LRRC69: variants seen among roughly 807,000 people sequenced by gnomAD.
The protein encoded by LRRC69 is leucine rich repeat containing 69.
Under a neutral mutation model 37.8 loss-of-function variants are expected in LRRC69, and 42 were observed. The observed-to-expected ratio is 1.11, with a 90% CI of 0.87 to 1.44. The LOEUF is 1.44. Ranked by LOEUF, LRRC69 falls within the 40% of genes most tolerant of loss-of-function variation. The pLI is 0.00. For synonymous variants in LRRC69, 141 were observed against 143.1 expected, an observed-to-expected ratio of 0.99 and a Z score of 0.11; for missense variants, 357 against 401.9, an observed-to-expected ratio of 0.89 and a Z score of 0.96.
At chr8:91,178,023 T>C (rs1809264602) in intron 5 of LRRC69, among the ~76,000 whole-genome samples, 1 of 152,018 alleles carries the variant, frequency 6.6e-6, no homozygotes, top group African/African-American at 2.4e-5. Flanking sequence ...TAATTTTTTG[T>C]GTTTTTAGTA....
At chr8:91,138,136 A>G (rs2130523364) in intron 5 of LRRC69, among the ~76,000 whole-genome samples, 1 of 152,172 alleles carries the variant, frequency 6.6e-6, no homozygotes, top group East Asian at 1.9e-4. Flanking sequence ...CATTTTGTGC[A>G]TAGTTGGTTT....
intron 5 of LRRC69, among the ~76,000 whole-genome samples, chr8:91,169,084 T>A (rs1297467663): frequency 6.6e-6 from 1 of 151,950 alleles, no homozygotes; most frequent in Non-Finnish European, 1.5e-5. Flanking sequence ...TGGAAAAAGA[T>A]CCAGGACTTT....
intron 5 of LRRC69, among the ~76,000 whole-genome samples, chr8:91,143,005 A>G (rs868523336): frequency 5.3e-5 from 8 of 152,066 alleles, no homozygotes; most frequent in African/African-American, 1.9e-4. Flanking sequence ...GTATGTGAAC[A>G]CAAGGAATGC....
At chr8:91,211,336 G>T (rs888836244) in intron 7 of LRRC69, among the ~76,000 whole-genome samples, 2 of 151,678 alleles carry the variant, frequency 1.3e-5, no homozygotes, top group Non-Finnish European at 2.9e-5. Flanking sequence ...TATACAGCTT[G>T]TTAATCATGC....
chr8:91,113,709 A>G (rs529992388), intron 1 of LRRC69, among the ~76,000 whole-genome samples: 8 of 152,016 alleles, frequency 5.3e-5, no homozygotes, highest in African/African-American at 9.6e-5. Context: ...AAATGGACAA[A>G]TGGATAATTT....
chr8:91,145,175 T>C (rs1276729611), intron 5 of LRRC69, among the ~76,000 whole-genome samples: 4 of 152,012 alleles, frequency 2.6e-5, no homozygotes, highest in African/African-American at 9.6e-5. Flanking sequence ...GTTTGCCTTG[T>C]ATCAAAACTC....
chr8:91,167,784 A>C (rs1308943462), intron 5 of LRRC69, among the ~76,000 whole-genome samples: 1 of 151,916 alleles, frequency 6.6e-6, no homozygotes, highest in African/African-American at 2.4e-5. Context: ...TCAGCACACC[A>C]GTGATAGTAG....
rs139020450 is a variant in LRRC69, at chr8:91,111,407, G to A, written c.183+8563G>A. On this transcript the variant is annotated intron_variant, in intron 1 of 7. Coordinates refer to ENST00000448384, the Ensembl canonical transcript of LRRC69. ...AAATTAGTTGGGCACAGTGGCAGGCGCATGTAATCCCAGCTACTCGGGAGG... is the reference window on the plus strand; with the variant it reads ...AAATTAGTTGGGCACAGTGGCAGGCACATGTAATCCCAGCTACTCGGGAGG... Among the ~76,000 whole-genome samples the A allele has an allele frequency of 9.3e-3, 1,407 of 151,988 alleles. 29 individuals carry two copies. The highest frequency in any genetic ancestry group is 0.032 in the African/African-American group (1,325 of 41,508).
intron 1 of LRRC69, among the ~76,000 whole-genome samples, chr8:91,107,703 T>C (rs1813342151): frequency 6.6e-6 from 1 of 152,068 alleles, no homozygotes; most frequent in South Asian, 2.1e-4. Flanking sequence ...CTTTAGATCC[T>C]ACTTCCATTT....
chr8:91,201,014 C>G (rs1809703848), intron 7 of LRRC69, among the ~76,000 whole-genome samples: 1 of 152,086 alleles, frequency 6.6e-6, no homozygotes, highest in South Asian at 2.1e-4. Flanking sequence ...TACATGGATT[C>G]TAGCAAAATT....
At position 91,170,331 on chromosome 8, in the gene LRRC69, G is replaced by A. The variant is rs550720564; in HGVS notation, c.652-19191G>A. On this transcript the variant is annotated intron_variant, in intron 5 of 7. Transcript: ENST00000448384. ...CTGCATAAATGGCCATACTGCCCAAGGTAATTTACAGATTCAATGCCATCC... is the reference window on the plus strand; with the variant it reads ...CTGCATAAATGGCCATACTGCCCAAAGTAATTTACAGATTCAATGCCATCC... Among the ~76,000 whole-genome samples the A allele has an allele frequency of 3.3e-5, 5 of 150,644 alleles. No individual in the cohort carries two copies. The South Asian group carries it at 8.4e-4, about 25-fold the overall frequency.
chr8:91,118,268 G>A, intron 1 of LRRC69: 2 of 449,970 alleles, frequency 4.4e-6, no homozygotes, highest in South Asian at 3.1e-5. Flanking sequence ...ACTTTGGGAG[G>A]CTGAGGCAGG....
At chr8:91,215,775 G>A (rs1056700034) in intron 7 of LRRC69, among the ~76,000 whole-genome samples, 7 of 152,122 alleles carry the variant, frequency 4.6e-5, no homozygotes, top group Non-Finnish European at 8.8e-5. Context: ...ATTTGTCTTT[G>A]ACAAAATCAT....
intron 5 of LRRC69, among the ~76,000 whole-genome samples, chr8:91,154,640 A>G (rs1280728825): frequency 6.6e-6 from 1 of 151,940 alleles, no homozygotes; most frequent in African/African-American, 2.4e-5. Context: ...GATTATCTCA[A>G]TAGATGCAGA....
chr8:91,173,560 A>C (rs1809170992), intron 5 of LRRC69, among the ~76,000 whole-genome samples: 1 of 152,206 alleles, frequency 6.6e-6, no homozygotes, highest in Non-Finnish European at 1.5e-5. Flanking sequence ...ATACACTTGC[A>C]GTATATTGTC....
chr8:91,138,931 T>C (rs1292205201), intron 5 of LRRC69: 1 of 151,734 alleles, frequency 6.6e-6, no homozygotes, highest in Non-Finnish European at 1.5e-5. Context: ...CTGGGTTTAG[T>C]GGTACACCCT....
At chr8:91,171,095 A>T (rs550532762) in intron 5 of LRRC69, among the ~76,000 whole-genome samples, 1 of 151,912 alleles carries the variant, frequency 6.6e-6, no homozygotes, top group Non-Finnish European at 1.5e-5. Context: ...GGTGTATATA[A>T]TTTTTTTAAA....
At chr8:91,137,786 T>C (rs1563600962) in intron 5 of LRRC69, among the ~76,000 whole-genome samples, 3 of 151,954 alleles carry the variant, frequency 2.0e-5, no homozygotes, top group Admixed American at 1.3e-4. Flanking sequence ...AATCAAAGTT[T>C]CCCACATTAA....
exon 7 of LRRC69, chr8:91,200,664 C>T (rs1460327779): frequency 1.2e-5 from 18 of 1,475,472 alleles, no homozygotes; most frequent in Non-Finnish European, 1.5e-5. Flanking sequence ...TAACCCTTTC[C>T]TAATGGATGA....
Sources: gnomAD v4.1 joint callset for allele counts (sites outside exome capture counted in the v4.1 genomes callset) on GRCh38, gnomAD v4.1.1 for gene constraint, MANE v1.5 for transcripts, NCBI Gene and HGNC (gene_info 2026-07-23, HGNC 2026-07-21) for gene names.